The following CPB2 variants were observed in gnomAD, a reference collection of about 807,000 sequenced individuals.
CPB2 encodes the protein carboxypeptidase B-like protein.
Under a neutral mutation model 57.0 loss-of-function variants are expected in CPB2, and 54 were observed. The observed-to-expected ratio is 0.95, with a 90% CI of 0.76 to 1.19. The LOEUF (loss-of-function observed/expected upper bound fraction) is 1.19, where lower values mean the gene tolerates loss of function less well. Ranked by LOEUF, CPB2 falls within the 50% of genes most tolerant of loss-of-function variation. CPB2 has a pLI of 0.00. For synonymous variants in CPB2, 189 were observed against 178.1 expected, an observed-to-expected ratio of 1.06 and a Z score of -0.49; for missense variants, 426 against 512.0, an observed-to-expected ratio of 0.83 and a Z score of 1.62.
At chr13:46,091,532 C>T (rs1272610879) in intron 1 of CPB2, among the ~76,000 whole-genome samples, 2 of 152,084 alleles carry the variant, frequency 1.3e-5, no homozygotes, top group Non-Finnish European at 2.9e-5. Flanking sequence ...ACTCCTTGCT[C>T]TTTGTTAAGA....
At chr13:46,090,552 C>T (rs534904147) in intron 1 of CPB2, among the ~76,000 whole-genome samples, 1 of 151,040 alleles carries the variant, frequency 6.6e-6, no homozygotes, top group Admixed American at 6.6e-5. Context: ...TTAGTAGAGA[C>T]GTGGTTTCAC....
intron 8 of CPB2, among the ~76,000 whole-genome samples, chr13:46,062,099 C>T (rs1001379047): frequency 1.9e-4 from 28 of 146,254 alleles, no homozygotes; most frequent in African/African-American, 6.1e-4. Flanking sequence ...TCTTATGATA[C>T]ATAACAATAT....
chr13:46,090,451 C>CT (rs758413874), intron 1 of CPB2, among the ~76,000 whole-genome samples: 3 of 151,442 alleles, frequency 2.0e-5, no homozygotes, highest in Non-Finnish European at 2.9e-5. Flanking sequence ...CAACCTCCGC[C>CT]TCCCAGGTTC....
intron 5 of CPB2, among the ~76,000 whole-genome samples, chr13:46,077,330 A>G (rs2045037664): frequency 6.6e-6 from 1 of 152,188 alleles, no homozygotes; most frequent in South Asian, 2.1e-4. Flanking sequence ...AAAATCCTCA[A>G]CATCACTAAT....
At chr13:46,088,747 A>G (rs2045247108) in intron 1 of CPB2, among the ~76,000 whole-genome samples, 1 of 152,100 alleles carries the variant, frequency 6.6e-6, no homozygotes. Context: ...TCATTTTCTG[A>G]CTTATTAATG....
chr13:46,053,784 C>T lies in CPB2; in HGVS notation c.1102G>A (p.Gly368Ser), dbSNP rs767417945. Residue 368 changes from glycine (G) to serine (S), a missense_variant, in exon 11 of 11, where the codon GGT (glycine) becomes AGT (serine). Transcript: ENST00000181383. ...GSETLYLAPG[G>S]GDDWIYDLGI... is the part of the protein sequence containing the mutation. The stretch of plus-strand genomic sequence containing the variant: ...AAATCATAGATCCAATCGTCCCCAC[C>T]TCCAGGAGCTAGGTCTAAAAGAAGA... The T allele has an allele frequency of 6.2e-7, 1 of 1,613,828 alleles. No homozygotes were observed. Among genetic ancestry groups the T allele is most frequent in the East Asian group, 2.2e-5 (1 of 44,888 alleles).
At chr13:46,097,794 T>G (rs2045386521) in intron 1 of CPB2, among the ~76,000 whole-genome samples, 1 of 152,210 alleles carries the variant, frequency 6.6e-6, no homozygotes, top group African/African-American at 2.4e-5. Context: ...GTTGGAGTGT[T>G]TCCATATACC....
Position 46,053,781 on chromosome 13 carries a change from C to T in CPB2, c.1105G>A (p.Gly369Arg), listed in dbSNP as rs1201899079. ...SETLYLAPGGGDDWIYDLGIK... is the reference protein window; with the variant it reads ...SETLYLAPGGRDDWIYDLGIK... ...CCCAAATCATAGATCCAATCGTCCC[C>T]ACCTCCAGGAGCTAGGTCTAAAAGA... is the stretch of plus-strand genomic sequence containing the variant. Residue 369 changes from glycine to arginine, a missense_variant, in exon 11 of 11, where the codon GGG (glycine) becomes AGG (arginine). Transcript: ENST00000181383. 1 of 1,613,832 alleles carries T rather than the reference C, an allele frequency of 6.2e-7. No homozygotes were observed. Among genetic ancestry groups the T allele is most frequent in the African/African-American group, 1.3e-5 (1 of 74,910 alleles).
At position 46,067,315 on chromosome 13, in the gene CPB2, A is replaced by G; in HGVS notation, c.694T>C (p.Trp232Arg). 6.6e-7 allele frequency: 1 copy of G among 1,505,170 alleles called. No individual in the cohort carries two copies. The highest frequency in any genetic ancestry group is 9.2e-7 in the Non-Finnish European group (1 of 1,082,924). 93.2% of individuals were successfully genotyped at this position (1,505,170 alleles called of 1,614,324 possible). A position where few individuals can be genotyped will look rare whatever the true frequency, so the allele number is the denominator to read the frequency against. ...TTTGCCTTTTCTCCTACCTTTTTCC[A>G]TGAGTAGTCATAACCATCCACATTA... ...VVNVDGYDYSWKKNRMWRKNR... is the reference protein window; with the variant it reads ...VVNVDGYDYSRKKNRMWRKNR... Residue 232 changes from tryptophan to arginine, a missense_variant, in exon 7 of 11, where the codon TGG becomes CGG. Trp to Arg is a moderately radical substitution (Grantham distance 101). Transcript: ENST00000181383.
intron 3 of CPB2, 147 bp from the exon 4 acceptor site, chr13:46,082,696 C>A: frequency 1.9e-6 from 1 of 534,190 alleles, no homozygotes; most frequent in East Asian, 3.0e-5. Flanking sequence ...AGTAAGACAT[C>A]TCGCATTGTG....
rs527348906 is a variant in CPB2, at chr13:46,087,143, G to T, written c.150+602C>A. On this transcript the variant is annotated intron_variant, in intron 2 of 10. Transcript: ENST00000181383. ...CCCCCAAGAGCACAGGGATGTCCAG[G>T]TCTGTAGCTGCAGCGGGCAGCTGCA... Among the ~76,000 whole-genome samples the T allele has an allele frequency of 1.2e-3, 178 of 152,192 alleles. 1 individual carries two copies. The highest frequency in any genetic ancestry group is 4.0e-3 in the African/African-American group (166 of 41,546).
intron 7 of CPB2, among the ~76,000 whole-genome samples, chr13:46,065,521 G>A (rs1222383239): frequency 6.6e-6 from 1 of 151,644 alleles, no homozygotes; most frequent in Non-Finnish European, 1.5e-5. Context: ...CAGCTACTCG[G>A]GAGGCTGAGG....
At chr13:46,083,599 G>A (rs539285599) in intron 3 of CPB2, among the ~76,000 whole-genome samples, 1 of 152,162 alleles carries the variant, frequency 6.6e-6, no homozygotes, top group Admixed American at 6.5e-5. Context: ...AGGCTAGACT[G>A]TGAGCAGAAA....
chr13:46,076,880 C>T (rs2045030560), intron 5 of CPB2, among the ~76,000 whole-genome samples: 1 of 152,046 alleles, frequency 6.6e-6, no homozygotes, highest in Admixed American at 6.6e-5. Context: ...AAATTTTATT[C>T]ATAAAATTCA....
chr13:46,055,690 CAAA>C, intron 10 of CPB2, 69 bp downstream of exon 10: 1 of 866,544 alleles, frequency 1.2e-6, no homozygotes, highest in Non-Finnish European at 1.8e-6. Context: ...ATTAAATACA[CAAA>C]GAAAAACAGA....
intron 9 of CPB2, 76 bp downstream of exon 9, chr13:46,058,103 C>G: frequency 7.1e-7 from 1 of 1,418,140 alleles, no homozygotes; most frequent in Non-Finnish European, 9.7e-7. Flanking sequence ...AAAATTTTTC[C>G]CAGTTTTTGA....
chr13:46,058,452 A>G (rs539157781), intron 8 of CPB2, 71 bp from the exon 9 acceptor site: 32 of 1,320,654 alleles, frequency 2.4e-5, no homozygotes, highest in Non-Finnish European at 3.3e-5. Context: ...TTTCCCAGAC[A>G]ACGTATTCTC....
At chr13:46,068,167 T>A (rs2044883820) in intron 6 of CPB2, among the ~76,000 whole-genome samples, 1 of 152,240 alleles carries the variant, frequency 6.6e-6, no homozygotes, top group Admixed American at 6.5e-5. Flanking sequence ...TCTTAATTTG[T>A]GGCAACATTG....
chr13:46,063,010 C>T (rs568234885), intron 8 of CPB2, among the ~76,000 whole-genome samples: 5 of 152,298 alleles, frequency 3.3e-5, no homozygotes, highest in South Asian at 2.1e-4. Context: ...AATAGCTTCT[C>T]TCCCTTATGG....
Sources: gnomAD v4.1 joint callset for allele counts (sites outside exome capture counted in the v4.1 genomes callset) on GRCh38, gnomAD v4.1.1 for gene constraint, MANE v1.5 for transcripts, NCBI Gene and HGNC (gene_info 2026-07-23, HGNC 2026-07-21) for gene names.